The following SLC36A1 variants were observed in gnomAD, a reference collection of about 807,000 sequenced individuals.
The protein encoded by SLC36A1 is proton-coupled amino acid transporter 1.
SLC36A1 carries 30 observed loss-of-function variants against 47.5 expected under a neutral mutation model. The observed-to-expected ratio is 0.63, with a 90% confidence interval of 0.47 to 0.86. The LOEUF (loss-of-function observed/expected upper bound fraction) is 0.86. SLC36A1 is among the 40% of genes least tolerant of loss of function. The probability of loss-of-function intolerance (pLI) is 0.00; values close to 1 mark genes in which losing one functional copy is unlikely to be tolerated. For missense variants in SLC36A1, 517 were observed against 606.0 expected, an observed-to-expected ratio of 0.85 and a Z score of 1.54; for synonymous variants, 255 against 249.7, an observed-to-expected ratio of 1.02 and a Z score of -0.20.
chr5:151,395,134 A>C, the SLC36A1 span, among the ~76,000 whole-genome samples: 2 of 152,162 alleles, frequency 1.3e-5, no homozygotes, highest in Non-Finnish European at 2.9e-5. Context: ...CCTCACTGCC[A>C]CCTTGCACTT....
chr5:151,473,029 G>T (rs994616102), intron 7 of SLC36A1, among the ~76,000 whole-genome samples: 1 of 152,136 alleles, frequency 6.6e-6, no homozygotes, highest in African/African-American at 2.4e-5. Flanking sequence ...AAATAGCCGA[G>T]TGTGGTGGCA....
chr5:151,523,962 T>C, the SLC36A1 span, among the ~76,000 whole-genome samples: 102,439 of 151,892 alleles, frequency 0.67, 34,946 homozygotes, highest in East Asian at 0.92. Context: ...TCTTTCTAAC[T>C]GCACATCCAC....
At chr5:151,433,366 C>A (rs555999974), upstream of SLC36A1, among the ~76,000 whole-genome samples, 4 of 136,580 alleles carry the variant, frequency 2.9e-5, no homozygotes, top group South Asian at 1.0e-3. Context: ...TCACCGCAAC[C>A]TCTGCTTCCC....
At chr5:151,531,820 C>G in the SLC36A1 span, 3 of 1,613,788 alleles carry the variant, frequency 1.9e-6, no homozygotes, top group South Asian at 3.3e-5. The surrounding 1 kb of genome is among the most constrained non-coding windows in gnomAD (Gnocchi z 5.7). Flanking sequence ...TATTGGGGTG[C>G]CCAGGTCAGA....
At chr5:151,508,658 C>T in the SLC36A1 span, among the ~76,000 whole-genome samples, 4 of 150,844 alleles carry the variant, frequency 2.7e-5, no homozygotes, top group Non-Finnish European at 5.9e-5. Flanking sequence ...TGCAGTGAGC[C>T]GAGATTGTGC....
At chr5:151,388,497 A>G in the SLC36A1 span, among the ~76,000 whole-genome samples, 1 of 131,530 alleles carries the variant, frequency 7.6e-6, no homozygotes, top group East Asian at 2.6e-4. Context: ...GTAAAACTCC[A>G]TCTCAAAAGA....
intron 9 of SLC36A1, chr5:151,477,572 A>G (rs1431456865): frequency 6.6e-6 from 1 of 152,258 alleles, no homozygotes; most frequent in African/African-American, 2.4e-5. Flanking sequence ...TGGTATGGCT[A>G]TAGACCTGGA....
the SLC36A1 span, among the ~76,000 whole-genome samples, chr5:151,550,262 G>A: frequency 6.6e-6 from 1 of 152,140 alleles, no homozygotes; most frequent in Non-Finnish European, 1.5e-5. Context: ...AGTGGGAGAG[G>A]CTCTGTGTCC....
chr5:151,464,547 G>A lies in SLC36A1; in HGVS notation c.268G>A (p.Val90Met), dbSNP rs1429821555. Residue 90 changes from valine to methionine, a missense_variant, in exon 4 of 11, where the codon GTG (valine) becomes ATG (methionine). Val to Met is a conservative substitution (Grantham distance 21). Transcript: ENST00000243389. Reference protein sequence around the residue: ...GPISLLIIGIVAVHCMGILVK... With the variant: ...GPISLLIIGIMAVHCMGILVK... ...CATCAGCCTGCTGATCATAGGCATCGTGGCCGTGCACTGCATGGGTATCCT... is the reference window on the plus strand; with the variant it reads ...CATCAGCCTGCTGATCATAGGCATCATGGCCGTGCACTGCATGGGTATCCT... 9 of 1,613,976 alleles carry A rather than the reference G, an allele frequency of 5.6e-6. No homozygotes were observed. Among genetic ancestry groups the A allele is most frequent in the Middle Eastern group, 1.6e-4 (1 of 6,062 alleles).
the SLC36A1 span, among the ~76,000 whole-genome samples, chr5:151,506,590 G>A: frequency 6.6e-6 from 1 of 152,220 alleles, no homozygotes; most frequent in Admixed American, 6.5e-5. Flanking sequence ...AGTTGGGTTA[G>A]TTAGAACAAG....
At chr5:151,423,299 G>C in the SLC36A1 span, among the ~76,000 whole-genome samples, 2 of 152,174 alleles carry the variant, frequency 1.3e-5, no homozygotes, top group African/African-American at 4.8e-5. Context: ...TTACCCAAAT[G>C]AGTTGAAAAT....
the SLC36A1 span, among the ~76,000 whole-genome samples, chr5:151,358,843 G>A: frequency 4.0e-5 from 6 of 151,480 alleles, no homozygotes; most frequent in Non-Finnish European, 7.4e-5. Flanking sequence ...GCGCGGTGGC[G>A]GGTGCCTGTA....
At chr5:151,479,964 T>TA (rs1758591589) in intron 10 of SLC36A1, 1 of 659,474 alleles carries the variant, frequency 1.5e-6, no homozygotes, top group Non-Finnish European at 2.5e-6. Context: ...ATGTCAGTCT[T>TA]ACTAAATATG....
intron 1 of SLC36A1, among the ~76,000 whole-genome samples, chr5:151,439,324 T>G (rs1189734314): frequency 6.6e-6 from 1 of 152,112 alleles, no homozygotes; most frequent in Non-Finnish European, 1.5e-5. Context: ...ATATCATAAT[T>G]ACCTCCTTTC....
upstream of SLC36A1, among the ~76,000 whole-genome samples, chr5:151,434,277 G>T (rs927863578): frequency 2.0e-5 from 3 of 152,172 alleles, no homozygotes; most frequent in African/African-American, 7.2e-5. Flanking sequence ...AGAAAAAAAT[G>T]TACTGGAAGA....
At chr5:151,526,554 C>G in the SLC36A1 span, among the ~76,000 whole-genome samples, 1 of 152,330 alleles carries the variant, frequency 6.6e-6, no homozygotes, top group South Asian at 2.1e-4. Flanking sequence ...ATCTAATGGG[C>G]AGAAACTGAT....
At chr5:151,540,624 C>G in the SLC36A1 span, 2 of 1,614,116 alleles carry the variant, frequency 1.2e-6, no homozygotes, top group Non-Finnish European at 1.7e-6. Flanking sequence ...CCACAGTGAC[C>G]GAAGCCTGGA....
At chr5:151,385,541 C>G in the SLC36A1 span, among the ~76,000 whole-genome samples, 2 of 152,172 alleles carry the variant, frequency 1.3e-5, no homozygotes, top group Non-Finnish European at 2.9e-5. Context: ...ATCCTTGTCT[C>G]TGGTAGTAAT....
the SLC36A1 span, chr5:151,378,010 A>G: frequency 9.1e-6 from 2 of 219,120 alleles, no homozygotes; most frequent in Non-Finnish European, 1.9e-5. Context: ...TTTAGTCCAA[A>G]TTGGCTTAAG....
Sources: allele counts gnomAD v4.1 joint callset (sites outside exome capture counted in the v4.1 genomes callset), GRCh38; gene constraint gnomAD v4.1.1; non-coding constraint Gnocchi (gnomAD v3.1); transcripts MANE v1.5; gene names NCBI Gene and HGNC (gene_info 2026-07-23, HGNC 2026-07-21).